Variants in SYNRG observed in about 807,000 individuals in gnomAD.
SYNRG encodes synergin gamma, also known as AP1 gamma subunit binding protein 1.
In SYNRG, 37 loss-of-function variants were observed where a neutral mutation model predicts 130.9. The ratio of observed to expected loss-of-function variants is 0.28; its 90% CI spans 0.22 to 0.37. The LOEUF (loss-of-function observed/expected upper bound fraction) is 0.37. Among genes scored for constraint, SYNRG ranks in the 10% least tolerant of loss-of-function variants. The probability of loss-of-function intolerance (pLI) is 1.00; values close to 1 mark genes in which losing one functional copy is unlikely to be tolerated. For missense variants in SYNRG, 1,338 were observed against 1,588.9 expected (o/e 0.84, Z 2.68); for synonymous variants, 539 against 568.1 (o/e 0.95, Z 0.73).
intron 3 of SYNRG, among the ~76,000 whole-genome samples, chr17:37,594,798 T>C (rs1189912101): frequency 6.6e-6 from 1 of 152,210 alleles, no homozygotes; most frequent in Admixed American, 6.5e-5. Flanking sequence ...CACATCCCTA[T>C]GTGGTTTACA....
At chr17:37,548,809 G>T (rs941937195) in intron 14 of SYNRG, among the ~76,000 whole-genome samples, 1 of 138,824 alleles carries the variant, frequency 7.2e-6, no homozygotes, top group African/African-American at 2.7e-5. Context: ...TGGGTGACAA[G>T]AGGGAAACTC....
intron 19 of SYNRG, among the ~76,000 whole-genome samples, chr17:37,522,001 G>T (rs1357719045): frequency 6.6e-6 from 1 of 152,096 alleles, no homozygotes; most frequent in Non-Finnish European, 1.5e-5. Flanking sequence ...CAGGTGGTTG[G>T]ATACACATAC....
At chr17:37,576,958 A>G (rs1410615358) in intron 7 of SYNRG, among the ~76,000 whole-genome samples, 1 of 152,182 alleles carries the variant, frequency 6.6e-6, no homozygotes, top group East Asian at 1.9e-4. Context: ...AATTTATACA[A>G]TTTAGATCTT....
At chr17:37,537,814 G>C (rs2057353550) in intron 18 of SYNRG, among the ~76,000 whole-genome samples, 2 of 152,186 alleles carry the variant, frequency 1.3e-5, no homozygotes, top group African/African-American at 4.8e-5. Context: ...GTAAAGATTT[G>C]AAAAAGATTA....
At chr17:37,572,785 G>A (rs1167294590) in intron 8 of SYNRG, among the ~76,000 whole-genome samples, 1 of 152,210 alleles carries the variant, frequency 6.6e-6, no homozygotes, top group African/African-American at 2.4e-5. Context: ...CAGAACAAGT[G>A]TCTTAAAAAG....
intron 19 of SYNRG, among the ~76,000 whole-genome samples, chr17:37,527,101 A>G (rs1260462086): frequency 6.6e-6 from 1 of 152,244 alleles, no homozygotes; most frequent in Non-Finnish European, 1.5e-5. Context: ...TCACTGGTCA[A>G]TTTCACATTG....
chr17:37,565,769 G>A (rs561393262), intron 11 of SYNRG, among the ~76,000 whole-genome samples: 9 of 150,694 alleles, frequency 6.0e-5, no homozygotes, highest in Admixed American at 5.3e-4. Context: ...GTCTCTGCCC[G>A]GCCGCCCCGT....
rs1425258328 is a variant in SYNRG at position 37,596,096 on chromosome 17, T to A, written c.240+127A>T. 4 of 1,098,250 alleles carry A rather than the reference T, an allele frequency of 3.6e-6. No homozygotes were observed. The East Asian group carries it at 1.0e-4, about 29-fold the overall frequency. The allele number at this position is 1,098,250 out of a possible 1,614,324, so 68.0% of individuals were successfully genotyped here. ...GAGGGTGAACACATCTTCATTTTAG[T>A]TTGAAGGAAGCCATTTATTTATGCT... On this transcript the variant is annotated intron_variant, in intron 3 of 21. Coordinates refer to ENST00000612223, the MANE Select transcript of SYNRG (RefSeq NM_007247.6).
chr17:37,525,787 G>A (rs1433948113), intron 19 of SYNRG, among the ~76,000 whole-genome samples: 31 of 152,226 alleles, frequency 2.0e-4, no homozygotes, highest in African/African-American at 5.8e-4. Flanking sequence ...CCAACATGGT[G>A]AAACCCCGTC....
At chr17:37,540,947 T>C (rs1444947015) in intron 15 of SYNRG, 2 of 992,212 alleles carry the variant, frequency 2.0e-6, no homozygotes, top group African/African-American at 3.5e-5. Flanking sequence ...GACCCTCTTC[T>C]TCAGATGCTT....
intron 11 of SYNRG, among the ~76,000 whole-genome samples, chr17:37,566,261 T>C (rs1288106366): frequency 6.6e-6 from 1 of 151,248 alleles, no homozygotes; most frequent in African/African-American, 2.4e-5. Flanking sequence ...GAAGTAGACA[T>C]GGGAGACTTT....
intron 19 of SYNRG, among the ~76,000 whole-genome samples, chr17:37,530,549 T>C (rs1007496469): frequency 1.3e-5 from 2 of 152,196 alleles, no homozygotes; most frequent in Admixed American, 6.5e-5. Flanking sequence ...CAGAGGATAA[T>C]GAACTGAATT....
At chr17:37,519,821 G>C (rs990053576) in intron 21 of SYNRG, among the ~76,000 whole-genome samples, 4 of 152,168 alleles carry the variant, frequency 2.6e-5, no homozygotes, top group Non-Finnish European at 4.4e-5. Context: ...AACCCAATTT[G>C]CTGCTTGTCT....
chr17:37,533,926 C>CTTTTTTTTTTTTTTTTT (rs765621244), intron 19 of SYNRG, among the ~76,000 whole-genome samples: 9 of 57,810 alleles, frequency 1.6e-4, no homozygotes, highest in African/African-American at 3.7e-4. Context: ...ATTTTCTTTT[C>CTTTTTTTTTTTTTTTTT]TTTTTTTTTT....
At position 37,568,889 on chromosome 17, in the gene SYNRG, A is replaced by C; in HGVS notation, c.1383T>G (p.Phe461Leu). The C allele has an allele frequency of 6.2e-7, 1 of 1,614,096 alleles. No homozygotes were observed. Residue 461 changes from phenylalanine (F) to leucine (L), a missense_variant, in exon 11 of 22, where the codon TTT becomes TTG. This residue lies in a region of SYNRG where 1,146 missense variants were observed against 1,342.3 expected (regional missense o/e 0.85). Coordinates refer to ENST00000612223, the MANE Select transcript of SYNRG (RefSeq NM_007247.6). ...GGGATCCTGACTTAGAAGCATCTTG[A>C]AAATCCTGGAAGTCATCTTCTTCTG... ...VKPEEDDFQD[F>L]QDASKSGSLD...
At chr17:37,531,405 GT>G (rs2056618875) in intron 19 of SYNRG, among the ~76,000 whole-genome samples, 1 of 152,060 alleles carries the variant, frequency 6.6e-6, no homozygotes, top group Non-Finnish European at 1.5e-5. Flanking sequence ...AAAAACACTT[GT>G]TTTTCCATTA....
intron 19 of SYNRG, among the ~76,000 whole-genome samples, chr17:37,535,653 A>T (rs907453262): frequency 6.6e-6 from 1 of 152,272 alleles, no homozygotes. Flanking sequence ...ACGTATGGGG[A>T]CATAAATAAC....
intron 6 of SYNRG, among the ~76,000 whole-genome samples, chr17:37,580,723 C>T (rs150393700): frequency 1.6e-3 from 237 of 152,158 alleles, no homozygotes; most frequent in African/African-American, 5.5e-3. Flanking sequence ...TTAGTAGAGA[C>T]GGGGTTTCAC....
chr17:37,529,713 C>T (rs1263850524), intron 19 of SYNRG: 115 of 1,447,570 alleles, frequency 7.9e-5, no homozygotes, highest in Non-Finnish European at 3.8e-6. Flanking sequence ...AGCAGCAACC[C>T]AGGAATCTCC....
Sources: allele counts gnomAD v4.1 joint callset (sites outside exome capture counted in the v4.1 genomes callset), GRCh38; gene constraint gnomAD v4.1.1; regional missense constraint gnomAD v4.1.1; transcripts MANE v1.5; gene names NCBI Gene and HGNC (gene_info 2026-07-23, HGNC 2026-07-21).